Variants in FGD3 observed in about 807,000 individuals in gnomAD.
FGD3 encodes the protein FYVE, RhoGEF and PH domain-containing protein 3.
A neutral mutation model predicts 71.8 loss-of-function variants in FGD3; 45 were observed. That is an observed-to-expected ratio of 0.63 (90% CI 0.49 to 0.80). The LOEUF is 0.80. FGD3 is among the 30% of genes least tolerant of loss of function. The pLI is 0.00. For missense variants in FGD3, 844 were observed against 951.5 expected (o/e 0.89, Z 1.49); for synonymous variants, 378 against 392.8 (o/e 0.96, Z 0.44).
chr9:93,006,567 G>C (rs183922669), intron 6 of FGD3, among the ~76,000 whole-genome samples: 1 of 151,840 alleles, frequency 6.6e-6, no homozygotes, highest in African/African-American at 2.4e-5. Flanking sequence ...TTTGTTTTTC[G>C]CTTTCTGCTA....
chr9:92,962,448 G>T (rs1405433427), intron 1 of FGD3, among the ~76,000 whole-genome samples: 1 of 152,192 alleles, frequency 6.6e-6, no homozygotes, highest in Admixed American at 6.5e-5. Context: ...CATCTGGATG[G>T]TCCAGGGCTG....
At chr9:93,026,735 G>A (rs1026006755) in intron 14 of FGD3, among the ~76,000 whole-genome samples, 2 of 152,184 alleles carry the variant, frequency 1.3e-5, no homozygotes, top group Admixed American at 6.5e-5. Flanking sequence ...ACCCAGCCCC[G>A]CAGGTACCTG....
At position 93,014,001 on chromosome 9, in the gene FGD3, G is replaced by A; in HGVS notation, c.1182+3G>A. On this transcript the variant is annotated splice_donor_region_variant and intron_variant, in intron 9 of 17. Transcript: ENST00000375482. ...CCCAGGACCGCCACCTCTTCCTGGT[G>A]AGCCTGGCCCCTGCCAGCCCAGCCG... 6.2e-7 allele frequency: 1 copy of A among 1,604,708 alleles called. No individual in the cohort carries two copies. The highest frequency in any genetic ancestry group is 8.5e-7 in the Non-Finnish European group (1 of 1,175,792).
chr9:93,028,516 C>T (rs1024505943), intron 14 of FGD3, among the ~76,000 whole-genome samples: 1 of 152,110 alleles, frequency 6.6e-6, no homozygotes, highest in African/African-American at 2.4e-5. Context: ...AACAAAGTGT[C>T]TCAAGGGAGG....
At chr9:93,024,658 G>A (rs1394563958) in intron 14 of FGD3, among the ~76,000 whole-genome samples, 1 of 152,262 alleles carries the variant, frequency 6.6e-6, no homozygotes, top group African/African-American at 2.4e-5. Flanking sequence ...GGAAGCAGAA[G>A]TGGGTGGAGG....
intron 13 of FGD3, among the ~76,000 whole-genome samples, chr9:93,021,803 C>T (rs916452975): frequency 6.6e-6 from 1 of 152,210 alleles, no homozygotes; most frequent in African/African-American, 2.4e-5. Context: ...ATTTACTTTG[C>T]AAGAACTTTG....
intron 14 of FGD3, among the ~76,000 whole-genome samples, chr9:93,023,524 C>T (rs1018488555): frequency 1.3e-5 from 2 of 152,152 alleles, no homozygotes; most frequent in Non-Finnish European, 2.9e-5. Context: ...AACACTGAAA[C>T]GAGGAAGTCT....
intron 10 of FGD3, 81 bp from the exon 11 acceptor site, chr9:93,018,055 C>A: frequency 4.4e-6 from 6 of 1,361,942 alleles, no homozygotes; most frequent in Non-Finnish European, 6.3e-6. Flanking sequence ...CTTGGGGAAA[C>A]ACTTCTAAGT....
chr9:93,023,292 A>T (rs987035187), intron 14 of FGD3, among the ~76,000 whole-genome samples: 8 of 152,044 alleles, frequency 5.3e-5, no homozygotes, highest in Non-Finnish European at 1.2e-4. Context: ...GAGCTTTACC[A>T]GGCCCCACCC....
chr9:92,987,340 A>C (rs1176288103), intron 3 of FGD3, among the ~76,000 whole-genome samples: 1 of 151,746 alleles, frequency 6.6e-6, no homozygotes, highest in African/African-American at 2.4e-5. Context: ...GCTGAGGCAG[A>C]AGAATGGTGT....
chr9:93,018,153 G>A lies in FGD3; in HGVS notation c.1293G>A (p.Lys431=), dbSNP rs745392204. ...ISGLQVQDIV[K]PNTAHTFIIT... ...CCCTTCAGGTGCAGGATATCGTCAA[G>A]CCAAACACAGCACATACATTCATCA... Residue 431 remains lysine, a synonymous_variant, in exon 11 of 18, where the codon AAG becomes AAA. Coordinates refer to ENST00000375482, the MANE Select transcript of FGD3 (RefSeq NM_001083536.2). 6.2e-7 allele frequency: 1 copy of A among 1,614,160 alleles called. No homozygotes were observed. The highest frequency in any genetic ancestry group is 1.1e-5 in the South Asian group (1 of 91,076).
chr9:93,011,409 C>A, intron 8 of FGD3, 137 bp downstream of exon 8: 2 of 1,044,734 alleles, frequency 1.9e-6, no homozygotes, highest in Admixed American at 2.0e-5. Flanking sequence ...CTTCCACCCC[C>A]ATCCCCAGGG....
intron 10 of FGD3, 116 bp from the exon 11 acceptor site, chr9:93,018,020 G>A: frequency 4.3e-6 from 4 of 933,332 alleles, no homozygotes; most frequent in Non-Finnish European, 6.9e-6. Context: ...GAACTGTGGG[G>A]CTGCAGGCTC....
chr9:93,002,819 GCCA>G, intron 3 of FGD3, 103 bp from the exon 4 acceptor site: 1 of 1,109,628 alleles, frequency 9.0e-7, no homozygotes, highest in Non-Finnish European at 1.3e-6. Flanking sequence ...GTGGCCTCCT[GCCA>G]CCCCTGTGGC....
At chr9:92,951,098 G>T (rs563063619) in intron 1 of FGD3, among the ~76,000 whole-genome samples, 1 of 152,176 alleles carries the variant, frequency 6.6e-6, no homozygotes, top group Non-Finnish European at 1.5e-5. Context: ...TGGGGGTCCC[G>T]CTCTAGGTCT....
intron 3 of FGD3, among the ~76,000 whole-genome samples, chr9:92,984,669 A>G (rs1860124008): frequency 6.6e-6 from 1 of 152,246 alleles, no homozygotes; most frequent in African/African-American, 2.4e-5. Flanking sequence ...TTCAGAGGTC[A>G]GGTAAATATT....
intron 7 of FGD3, among the ~76,000 whole-genome samples, chr9:93,010,999 T>C (rs1039445746): frequency 2.0e-5 from 3 of 152,066 alleles, no homozygotes; most frequent in Admixed American, 1.3e-4. Flanking sequence ...GGGAGCCCCC[T>C]GCCTGGTATT....
At chr9:93,030,063 A>G in intron 15 of FGD3, 67 bp downstream of exon 15, 2 of 1,561,500 alleles carry the variant, frequency 1.3e-6, no homozygotes, top group Non-Finnish European at 1.7e-6. Flanking sequence ...AGAGCAGCTG[A>G]GTCCTCACCA....
chr9:93,024,786 G>A (rs1862058539), intron 14 of FGD3, among the ~76,000 whole-genome samples: 1 of 152,262 alleles, frequency 6.6e-6, no homozygotes, highest in Admixed American at 6.5e-5. Flanking sequence ...CAGGGTCCTG[G>A]GGAGTCTAAC....
Sources: gnomAD v4.1 joint callset for allele counts (sites outside exome capture counted in the v4.1 genomes callset) on GRCh38, gnomAD v4.1.1 for gene constraint, MANE v1.5 for transcripts, NCBI Gene and HGNC (gene_info 2026-07-23, HGNC 2026-07-21) for gene names.